The following DLG2 variants were observed in gnomAD, a reference collection of about 807,000 sequenced individuals.
DLG2 encodes discs large MAGUK scaffold protein 2.
A neutral mutation model predicts 132.5 loss-of-function variants in DLG2; 45 were observed. That is an observed-to-expected ratio of 0.34 (90% CI 0.27 to 0.44). The LOEUF (loss-of-function observed/expected upper bound fraction) is 0.44, where lower values mean the gene tolerates loss of function less well. Among genes scored for constraint, DLG2 ranks in the 20% least tolerant of loss-of-function variants. The pLI is 1.00. For missense variants in DLG2, 1,045 were observed against 1,196.9 expected (o/e 0.87, Z 1.87); for synonymous variants, 424 against 419.6 (o/e 1.01, Z -0.13).
At chr11:85,494,167 G>A (rs1448575528) in intron 3 of DLG2, among the ~76,000 whole-genome samples, 2 of 152,162 alleles carry the variant, frequency 1.3e-5, no homozygotes, top group African/African-American at 2.4e-5. Flanking sequence ...TTGCATTGGG[G>A]ATTAAGTTTC....
intron 6 of DLG2, among the ~76,000 whole-genome samples, chr11:84,703,447 T>C (rs1311327209): frequency 6.6e-6 from 1 of 151,466 alleles, no homozygotes; most frequent in African/African-American, 2.4e-5. Context: ...CAGTGGGTGC[T>C]GAAAAAAAGT....
intron 4 of DLG2, among the ~76,000 whole-genome samples, chr11:85,186,260 T>G (rs1485097820): frequency 3.3e-5 from 5 of 152,096 alleles, no homozygotes; most frequent in African/African-American, 1.2e-4. Flanking sequence ...ATATATTTCA[T>G]TTAACTCAAT....
At chr11:85,144,633 T>A (rs909767212) in intron 5 of DLG2, among the ~76,000 whole-genome samples, 2 of 151,954 alleles carry the variant, frequency 1.3e-5, no homozygotes, top group African/African-American at 4.8e-5. Context: ...AAATAATATC[T>A]TGTAAAAAAT....
chr11:83,674,207 T>C (rs901543068), intron 18 of DLG2, among the ~76,000 whole-genome samples: 4 of 152,150 alleles, frequency 2.6e-5, no homozygotes, highest in African/African-American at 4.8e-5. Context: ...GGGGTTCCAG[T>C]GTGAAGCAGC....
intron 3 of DLG2, among the ~76,000 whole-genome samples, chr11:85,499,538 C>A (rs1026908743): frequency 6.6e-6 from 1 of 152,192 alleles, no homozygotes; most frequent in Non-Finnish European, 1.5e-5. Flanking sequence ...TGGTACCATT[C>A]CTTCTGAAAC....
intron 3 of DLG2, among the ~76,000 whole-genome samples, chr11:85,545,393 T>A (rs1468954711): frequency 1.3e-5 from 2 of 152,158 alleles, no homozygotes; most frequent in African/African-American, 4.8e-5. Context: ...GGTTTGCCAG[T>A]ATTTTATTGA....
chr11:84,507,814 A>G (rs1287751880), intron 7 of DLG2, among the ~76,000 whole-genome samples: 1 of 152,206 alleles, frequency 6.6e-6, no homozygotes, highest in Non-Finnish European at 1.5e-5. Context: ...AATCCCAGGA[A>G]TAAAGCCTGC....
chr11:83,511,044 A>AAAAC (rs58621950), intron 21 of DLG2, among the ~76,000 whole-genome samples: 2 of 137,660 alleles, frequency 1.5e-5, no homozygotes, highest in African/African-American at 5.4e-5. Context: ...AAAAAAAAAA[A>AAAAC]CCCTCTCTGT....
At chr11:84,789,345 A>C (rs2073443037) in intron 6 of DLG2, among the ~76,000 whole-genome samples, 1 of 152,188 alleles carries the variant, frequency 6.6e-6, no homozygotes, top group Admixed American at 6.5e-5. Flanking sequence ...CTGTTTATCA[A>C]ACTTTGTTAA....
At chr11:84,259,919 C>G (rs930010458) in intron 7 of DLG2, among the ~76,000 whole-genome samples, 1 of 152,182 alleles carries the variant, frequency 6.6e-6, no homozygotes, top group Non-Finnish European at 1.5e-5. Context: ...TTTGCTTCTG[C>G]ACCCTATTAA....
intron 6 of DLG2, among the ~76,000 whole-genome samples, chr11:84,613,406 G>A (rs1362335281): frequency 2.0e-5 from 3 of 151,996 alleles, no homozygotes; most frequent in Non-Finnish European, 1.5e-5. Flanking sequence ...CCCTTCAGAG[G>A]AGAGAATTGC....
chr11:83,833,182 A>ATCCC (rs1441866440), intron 17 of DLG2, among the ~76,000 whole-genome samples: 1 of 152,232 alleles, frequency 6.6e-6, no homozygotes, highest in East Asian at 1.9e-4. Flanking sequence ...TCATGCCTGT[A>ATCCC]ATCCCAGCAC....
chr11:84,125,156 C>T (rs1164634115), intron 9 of DLG2, among the ~76,000 whole-genome samples: 1 of 151,970 alleles, frequency 6.6e-6, no homozygotes, highest in Non-Finnish European at 1.5e-5. Context: ...GGCCTGTTTT[C>T]ACTTTTTATT....
intron 6 of DLG2, among the ~76,000 whole-genome samples, chr11:84,661,427 A>G (rs2099694352): frequency 6.6e-6 from 1 of 152,156 alleles, no homozygotes; most frequent in South Asian, 2.1e-4. Context: ...TCTGAACAAC[A>G]GCTTCCTCAA....
chr11:84,556,055 C>T (rs1239217363), intron 6 of DLG2, among the ~76,000 whole-genome samples: 1 of 152,200 alleles, frequency 6.6e-6, no homozygotes, highest in African/African-American at 2.4e-5. Flanking sequence ...ACCCACACAA[C>T]ATTCCAAATG....
chr11:84,888,998 G>A (rs976454864), intron 6 of DLG2, among the ~76,000 whole-genome samples: 1 of 152,164 alleles, frequency 6.6e-6, no homozygotes, highest in African/African-American at 2.4e-5. Context: ...CACTGAAGAA[G>A]AAAGGTAATG....
chr11:83,725,284 T>C, intron 18 of DLG2: 1 of 190,448 alleles, frequency 5.3e-6, no homozygotes, highest in South Asian at 1.5e-4. Context: ...ATCTCCAAAT[T>C]CAATCCTGCC....
At chr11:83,834,649 G>T (rs182668091) in intron 16 of DLG2, among the ~76,000 whole-genome samples, 42 of 152,250 alleles carry the variant, frequency 2.8e-4, no homozygotes, top group Non-Finnish European at 4.7e-4. Context: ...ACAAAGAATA[G>T]GAATATGGGC....
At chr11:85,496,009 T>C (rs1228997109) in intron 3 of DLG2, among the ~76,000 whole-genome samples, 1 of 152,178 alleles carries the variant, frequency 6.6e-6, no homozygotes, top group South Asian at 2.1e-4. Flanking sequence ...GATTTCTGCA[T>C]TTCCAGCTGA....
Sources: allele counts gnomAD v4.1 joint callset (sites outside exome capture counted in the v4.1 genomes callset), GRCh38; gene constraint gnomAD v4.1.1; transcripts MANE v1.5; gene names NCBI Gene and HGNC (gene_info 2026-07-23, HGNC 2026-07-21).